Variants in R3HDM2 observed in about 807,000 individuals in gnomAD.
R3HDM2 encodes the protein R3H domain containing 2.
R3HDM2 carries 38 observed loss-of-function variants against 124.5 expected under a neutral mutation model. The observed-to-expected ratio is 0.31, with a 90% CI of 0.24 to 0.40. The LOEUF is 0.40. R3HDM2 is among the 10% of genes least tolerant of loss of function. The pLI is 1.00. For synonymous variants in R3HDM2, 391 were observed against 448.0 expected (o/e 0.87, Z 1.61); for missense variants, 869 against 1,236.9 (o/e 0.70, Z 4.46).
intron 2 of R3HDM2, among the ~76,000 whole-genome samples, chr12:57,364,690 C>T (rs1271649816): frequency 6.6e-6 from 1 of 151,954 alleles, no homozygotes; most frequent in Non-Finnish European, 1.5e-5. Context: ...CGCAGTGGCT[C>T]ACGCCTGTAA....
At chr12:57,360,819 G>A (rs1013492016) in intron 2 of R3HDM2, among the ~76,000 whole-genome samples, 1 of 152,132 alleles carries the variant, frequency 6.6e-6, no homozygotes, top group African/African-American at 2.4e-5. Context: ...ATTTTGGGAG[G>A]CTGAGGCGGG....
chr12:57,312,684 A>G (rs1324160095), intron 2 of R3HDM2, among the ~76,000 whole-genome samples: 1 of 152,136 alleles, frequency 6.6e-6, no homozygotes, highest in Non-Finnish European at 1.5e-5. Context: ...CAGCCTGACC[A>G]ATATGGTGAA....
At chr12:57,274,598 G>A (rs1329208673) in intron 14 of R3HDM2, among the ~76,000 whole-genome samples, 1 of 152,218 alleles carries the variant, frequency 6.6e-6, no homozygotes, top group Non-Finnish European at 1.5e-5. Context: ...CTGGGGAAGG[G>A]CAGTGATACG....
chr12:57,320,931 G>A (rs1190514199), intron 2 of R3HDM2, among the ~76,000 whole-genome samples: 1 of 152,040 alleles, frequency 6.6e-6, no homozygotes, highest in Non-Finnish European at 1.5e-5. Context: ...TAAAAATTCT[G>A]GTCTACCCTG....
At chr12:57,394,935 C>T (rs1196956870) in intron 2 of R3HDM2, among the ~76,000 whole-genome samples, 3 of 152,108 alleles carry the variant, frequency 2.0e-5, no homozygotes, top group Admixed American at 6.6e-5. Context: ...TAAGGCTGGG[C>T]GCGGTGGCTC....
chr12:57,354,537 G>C (rs1045270471), intron 2 of R3HDM2, among the ~76,000 whole-genome samples: 1 of 151,772 alleles, frequency 6.6e-6, no homozygotes, highest in Non-Finnish European at 1.5e-5. Context: ...CAAGTGATTC[G>C]CCTGCCTCAG....
At chr12:57,404,213 C>T (rs1231445106) in intron 1 of R3HDM2, among the ~76,000 whole-genome samples, 1 of 151,092 alleles carries the variant, frequency 6.6e-6, no homozygotes, top group African/African-American at 2.4e-5. Context: ...TACAGGCATG[C>T]GCCACAACGC....
At chr12:57,275,283 T>C (rs2137648227) in intron 14 of R3HDM2, among the ~76,000 whole-genome samples, 1 of 152,250 alleles carries the variant, frequency 6.6e-6, no homozygotes, top group African/African-American at 2.4e-5. Context: ...AGAATGAAAC[T>C]GGATCTTCAT....
chr12:57,404,393 A>G (rs1032595606), intron 1 of R3HDM2, among the ~76,000 whole-genome samples: 1 of 151,064 alleles, frequency 6.6e-6, no homozygotes, highest in Non-Finnish European at 1.5e-5. Context: ...CTATAGGTTC[A>G]GCGCTACCTA....
intron 7 of R3HDM2, 42 bp from the exon 8 acceptor site, chr12:57,297,429 G>A: frequency 7.8e-7 from 1 of 1,276,164 alleles, no homozygotes; most frequent in Non-Finnish European, 1.1e-6. Context: ...AAAACAAAAA[G>A]CAGCCCTCCC....
At chr12:57,295,750 G>T (rs998348947) in intron 9 of R3HDM2, among the ~76,000 whole-genome samples, 8 of 152,272 alleles carry the variant, frequency 5.3e-5, no homozygotes, top group Middle Eastern at 3.4e-3. Context: ...AGAGGCTAGG[G>T]CCAGACTTCA....
rs1430899417 is a variant in R3HDM2, at chr12:57,395,824, G to A, written c.-105-6C>T. On this transcript the variant is annotated splice_polypyrimidine_tract_variant and splice_region_variant and intron_variant, in intron 1 of 23. Coordinates refer to ENST00000402412, the MANE Select transcript of R3HDM2 (RefSeq NM_001394031.1). ...ATAAGAAACAAGTCTAACCTCTGGGGGAGGAGGGGGAAAAAAAAAAACAAG... is the reference window on the plus strand; with the variant it reads ...ATAAGAAACAAGTCTAACCTCTGGGAGAGGAGGGGGAAAAAAAAAAACAAG... 3 of 983,928 alleles carry A rather than the reference G, an allele frequency of 3.0e-6. No homozygotes were observed. The highest frequency in any genetic ancestry group is 3.6e-6 in the Non-Finnish European group (3 of 828,986). 60.9% of individuals were successfully genotyped at this position (983,928 alleles called of 1,614,324 possible).
At chr12:57,331,770 C>G (rs999049258) in intron 2 of R3HDM2, among the ~76,000 whole-genome samples, 1 of 151,870 alleles carries the variant, frequency 6.6e-6, no homozygotes, top group Non-Finnish European at 1.5e-5. Context: ...AAAAATTAGC[C>G]GGGCGTGGTG....
intron 2 of R3HDM2, among the ~76,000 whole-genome samples, chr12:57,323,577 T>C (rs143199801): frequency 5.3e-5 from 8 of 152,308 alleles, no homozygotes; most frequent in South Asian, 4.1e-4. Flanking sequence ...AGGAAACCCA[T>C]AGGAACTGGC....
rs76606898 is a variant in R3HDM2, at chr12:57,369,779, C to T, written c.-36+25970G>A. On this transcript the variant is annotated intron_variant, in intron 2 of 23. Transcript: ENST00000402412. ...AACAAGATCCTTGCTGTTGCCCTTACTATTGAAATCTGGAATTTAAAAATA... is the reference window on the plus strand; with the variant it reads ...AACAAGATCCTTGCTGTTGCCCTTATTATTGAAATCTGGAATTTAAAAATA... Among the ~76,000 whole-genome samples, 18 of 152,072 alleles carry T rather than the reference C, an allele frequency of 1.2e-4. No individual in the cohort carries two copies. The East Asian group carries it at 3.5e-3, about 29-fold the overall frequency.
At chr12:57,293,534 C>T (rs1018124446) in intron 10 of R3HDM2, among the ~76,000 whole-genome samples, 1 of 152,116 alleles carries the variant, frequency 6.6e-6, no homozygotes, top group South Asian at 2.1e-4. Context: ...GAGTAGCCTA[C>T]CATCTAAATC....
intron 2 of R3HDM2, among the ~76,000 whole-genome samples, chr12:57,330,256 G>A (rs907629117): frequency 5.3e-5 from 8 of 151,910 alleles, no homozygotes; most frequent in African/African-American, 7.2e-5. Flanking sequence ...GTGAACCACC[G>A]TGCCTGGCCA....
chr12:57,287,415 T>G (rs1212463089), intron 12 of R3HDM2, among the ~76,000 whole-genome samples: 3 of 152,192 alleles, frequency 2.0e-5, no homozygotes, highest in Non-Finnish European at 4.4e-5. Flanking sequence ...CTATCTCTAC[T>G]ACCACCAACA....
At chr12:57,345,240 A>T (rs1174618058) in intron 2 of R3HDM2, among the ~76,000 whole-genome samples, 1 of 152,184 alleles carries the variant, frequency 6.6e-6, no homozygotes, top group Non-Finnish European at 1.5e-5. Flanking sequence ...GAAGGTGAGG[A>T]GAAAGAGTGT....
Sources: gnomAD v4.1 joint callset for allele counts (sites outside exome capture counted in the v4.1 genomes callset) on GRCh38, gnomAD v4.1.1 for gene constraint, MANE v1.5 for transcripts, NCBI Gene and HGNC (gene_info 2026-07-23, HGNC 2026-07-21) for gene names.